The following ST3GAL5 variants were observed in gnomAD, a reference collection of about 807,000 sequenced individuals.
ST3GAL5 encodes ST3 beta-galactoside alpha-2,3-sialyltransferase 5, also known as lactosylceramide alpha-2,3-sialyltransferase.
A neutral mutation model predicts 46.1 loss-of-function variants in ST3GAL5; 25 were observed. The observed-to-expected ratio is 0.54, with a 90% CI of 0.40 to 0.76. ST3GAL5 has a LOEUF of 0.76. ST3GAL5 is among the 30% of genes least tolerant of loss of function. The pLI is 0.00. For missense variants in ST3GAL5, 431 were observed against 521.2 expected (o/e 0.83, Z 1.69); for synonymous variants, 182 against 192.7 (o/e 0.94, Z 0.46).
intron 1 of ST3GAL5, among the ~76,000 whole-genome samples, chr2:85,885,224 C>T (rs1332848595): frequency 6.6e-6 from 1 of 152,166 alleles, no homozygotes; most frequent in Non-Finnish European, 1.5e-5. Flanking sequence ...ATTATGAGAG[C>T]TCAGAGAGGA....
At chr2:85,844,689 T>A (rs1374120420) in intron 5 of ST3GAL5, 135 bp from the exon 6 acceptor site, 1 of 1,222,188 alleles carries the variant, frequency 8.2e-7, no homozygotes, top group Non-Finnish European at 1.2e-6. Flanking sequence ...TCTACTCCTA[T>A]AGATTGCAAA....
upstream of ST3GAL5, chr2:85,888,994 G>T: frequency 9.7e-7 from 1 of 1,030,146 alleles, no homozygotes; most frequent in Non-Finnish European, 1.2e-6. Flanking sequence ...TTCAGCTGGG[G>T]GCCGCCGCTC....
At chr2:85,858,204 C>T (rs1347684840) in intron 3 of ST3GAL5, 1 of 152,238 alleles carries the variant, frequency 6.6e-6, no homozygotes, top group African/African-American at 2.4e-5. Flanking sequence ...CTCCATCTTC[C>T]AGTCAGGCAC....
intron 1 of ST3GAL5, 24 bp downstream of exon 1, chr2:85,888,800 C>G (rs1403702224): frequency 1.3e-5 from 15 of 1,197,030 alleles, no homozygotes; most frequent in Non-Finnish European, 1.4e-5. Flanking sequence ...CCCGCGACGC[C>G]GAGGAGGGGG....
intron 1 of ST3GAL5, among the ~76,000 whole-genome samples, chr2:85,877,994 A>C (rs1475192289): frequency 6.6e-6 from 1 of 152,216 alleles, no homozygotes; most frequent in African/African-American, 2.4e-5. Context: ...TTCAATTCAC[A>C]AAGTGTCCAG....
At chr2:85,846,114 T>G in intron 5 of ST3GAL5, 1 of 416,002 alleles carries the variant, frequency 2.4e-6, no homozygotes, top group Non-Finnish European at 4.4e-6. Context: ...GAGAATTGCT[T>G]GAACCTGGGA....
rs761548889 is a variant in ST3GAL5 at position 85,867,577 on chromosome 2, C to T, written c.83-4092G>A. The T allele has an allele frequency of 2.3e-5, 18 of 780,938 alleles. No individual in the cohort carries two copies. The East Asian group carries it at 4.4e-4, about 19-fold the overall frequency. 48.4% of individuals were successfully genotyped at this position (780,938 alleles called of 1,614,324 possible). ...GAAGAGGCTGACGAATCCAGTTTCT[C>T]AGAAAGAAACGTGTGATGGGGACTT... On this transcript the variant is annotated intron_variant, in intron 1 of 6. Coordinates refer to ENST00000638572, the MANE Select transcript of ST3GAL5 (RefSeq NM_003896.4).
intron 3 of ST3GAL5, among the ~76,000 whole-genome samples, chr2:85,856,621 G>A (rs557400641): frequency 3.3e-5 from 5 of 151,922 alleles, no homozygotes; most frequent in Non-Finnish European, 5.9e-5. Flanking sequence ...ATGGGCTGGA[G>A]TGCAGTGGCA....
intron 3 of ST3GAL5, chr2:85,853,627 C>T (rs1558664780): frequency 6.3e-6 from 1 of 159,170 alleles, no homozygotes; most frequent in East Asian, 1.8e-4. Context: ...CCACTCAGAA[C>T]ACGAGGACCA....
At chr2:85,862,583 G>A (rs1684844280) in intron 2 of ST3GAL5, among the ~76,000 whole-genome samples, 1 of 152,158 alleles carries the variant, frequency 6.6e-6, no homozygotes, top group Admixed American at 6.5e-5. Context: ...CCTGGAGCGA[G>A]TCCACCTCAC....
Position 85,875,034 on chromosome 2 carries a change from AC to A in ST3GAL5, c.83-11550del, listed in dbSNP as rs570051906. 1.1e-3 allele frequency among the ~76,000 whole-genome samples: 164 copies of A among 152,146 alleles called. 2 individuals carry two copies. Among genetic ancestry groups the A allele is most frequent in the Admixed American group, 9.6e-3 (146 of 15,264 alleles). The stretch of plus-strand genomic sequence containing the variant: ...AATATAAAATGACTGTCTCCCCCCC[AC>A]CATGGAAGAAAATGGCAAACGGATC... On this transcript the variant is annotated intron_variant, in intron 1 of 6. Transcript: ENST00000638572.
intron 4 of ST3GAL5, among the ~76,000 whole-genome samples, chr2:85,847,090 G>A (rs1473851664): frequency 6.6e-6 from 1 of 152,140 alleles, no homozygotes; most frequent in Non-Finnish European, 1.5e-5. Context: ...CACTGCGCCT[G>A]GCCAGAAAAC....
chr2:85,841,701 A>G (rs939563789), intron 6 of ST3GAL5, among the ~76,000 whole-genome samples: 2 of 152,258 alleles, frequency 1.3e-5, no homozygotes, highest in Non-Finnish European at 2.9e-5. Flanking sequence ...TATCCTACTG[A>G]CCTTGGCCTA....
chr2:85,859,946 C>T (rs982640830), intron 3 of ST3GAL5, among the ~76,000 whole-genome samples: 1 of 152,112 alleles, frequency 6.6e-6, no homozygotes. Context: ...CTTTGGGCTT[C>T]TCTGTGGACA....
intron 3 of ST3GAL5, chr2:85,858,005 T>C (rs764086400): frequency 6.6e-6 from 1 of 152,216 alleles, no homozygotes; most frequent in African/African-American, 2.4e-5. Flanking sequence ...GAGGCTCGTA[T>C]GAATTAGGAT....
chr2:85,861,310 A>G lies in ST3GAL5; in HGVS notation c.207-18T>C, dbSNP rs1166485225. Reference sequence around the variant, plus strand: ...ATGTACATCTGGAAAAAAATCAATTAGGTATTATGATGTAGTCATGTGAGA... The same window carrying G: ...ATGTACATCTGGAAAAAAATCAATTGGGTATTATGATGTAGTCATGTGAGA... On this transcript the variant is annotated intron_variant, in intron 2 of 6. Coordinates refer to ENST00000638572, the MANE Select transcript of ST3GAL5 (RefSeq NM_003896.4). The G allele has an allele frequency of 6.8e-7, 1 of 1,481,146 alleles. No individual in the cohort carries two copies. 91.8% of individuals were successfully genotyped at this position (1,481,146 alleles called of 1,614,324 possible). A position where few individuals can be genotyped will look rare whatever the true frequency, so the allele number is the denominator to read the frequency against.
At chr2:85,864,929 T>C (rs1484251977) in intron 1 of ST3GAL5, among the ~76,000 whole-genome samples, 1 of 152,226 alleles carries the variant, frequency 6.6e-6, no homozygotes, top group East Asian at 1.9e-4. Flanking sequence ...TCCCTTGGCA[T>C]ACTCTGGCTT....
chr2:85,872,312 G>A (rs536251076), intron 1 of ST3GAL5, among the ~76,000 whole-genome samples: 53 of 152,272 alleles, frequency 3.5e-4, no homozygotes, highest in Non-Finnish European at 7.5e-4. Flanking sequence ...TGATGAATTT[G>A]AGATGATAAA....
intron 1 of ST3GAL5, among the ~76,000 whole-genome samples, chr2:85,883,596 G>C (rs1687431853): frequency 6.6e-6 from 1 of 152,192 alleles, no homozygotes; most frequent in Admixed American, 6.5e-5. Context: ...GGTGCCTCGG[G>C]AGCAGGGACA....
Sources: allele counts gnomAD v4.1 joint callset (sites outside exome capture counted in the v4.1 genomes callset), GRCh38; gene constraint gnomAD v4.1.1; transcripts MANE v1.5; gene names NCBI Gene and HGNC (gene_info 2026-07-23, HGNC 2026-07-21).